Variants in HIPK1 observed in about 807,000 individuals in gnomAD.
HIPK1 encodes homeodomain interacting protein kinase 1.
In HIPK1, 28 loss-of-function variants were observed where a neutral mutation model predicts 117.1. The observed-to-expected ratio is 0.24, with a 90% CI of 0.18 to 0.33. The LOEUF (loss-of-function observed/expected upper bound fraction) is 0.33, where lower values mean the gene tolerates loss of function less well. HIPK1 is among the 10% of genes least tolerant of loss of function. The pLI is 1.00. For synonymous variants in HIPK1, 605 were observed against 562.5 expected (o/e 1.08, Z -1.07); for missense variants, 1,122 against 1,475.1 (o/e 0.76, Z 3.92).
intron 4 of HIPK1, 66 bp downstream of exon 4, chr1:113,954,836 A>G (rs1450466079): frequency 3.6e-6 from 5 of 1,374,068 alleles, no homozygotes; most frequent in African/African-American, 1.5e-5. Flanking sequence ...TTTGAATTCA[A>G]AGTTTAGTTA....
In HIPK1 at chr1:113,967,773, C is replaced by T; in HGVS notation, c.2389C>T (p.His797Tyr). The change falls in exon 12 of 16, where the codon CAC becomes TAC. Residue 797 changes from histidine (H) to tyrosine (Y), a missense_variant. Around this residue, in one of 6 missense-constraint regions of HIPK1, gnomAD observed 731 missense variants for 860.4 expected, o/e 0.85. Transcript: ENST00000426820. ...TTCTTTCTGTTGGTACAGGAATGCC[C>T]ACTCTCATGGCAACCAGTACAGCAC... The part of the protein sequence containing the change: ...GQQLADWRNA[H>Y]SHGNQYSTIM... The T allele has an allele frequency of 2.0e-6, 3 of 1,525,302 alleles. No individual in the cohort carries two copies. The highest frequency in any genetic ancestry group is 2.6e-6 in the Non-Finnish European group (3 of 1,138,522). The allele number at this position is 1,525,302 out of a possible 1,614,324, so 94.5% of individuals were successfully genotyped here.
Position 113,970,043 on chromosome 1 carries a change from T to C in HIPK1, c.2859T>C (p.Tyr953=), listed in dbSNP as rs1300741218. Residue 953 remains tyrosine (Y), a synonymous_variant, in exon 14 of 16, where the codon TAT becomes TAC. Coordinates refer to ENST00000426820, the MANE Select transcript of HIPK1 (RefSeq NM_198268.3). ...PDSDSSLSSP[Y]STDTLSALRG... ...CTGACTCTTCTTTGAGCAGCCCTTA[T>C]TCCACTGATACCCTGAGTGCTCTCC... 2.5e-6 allele frequency: 4 copies of C among 1,614,100 alleles called. No individual in the cohort carries two copies. The East Asian group carries it at 6.7e-5, about 27-fold the overall frequency.
intron 1 of HIPK1, 105 bp from the exon 2 acceptor site, chr1:113,940,275 CAT>C: frequency 9.9e-7 from 1 of 1,007,454 alleles, no homozygotes; most frequent in Non-Finnish European, 1.5e-6. Flanking sequence ...ATTATTACAT[CAT>C]GTTTCTTTTA....
rs912270762 is a variant in HIPK1, at chr1:113,975,794, T to C, written c.*2282T>C. 2.0e-5 allele frequency: 3 copies of C among 152,618 alleles called. No individual in the cohort carries two copies. Among genetic ancestry groups the C allele is most frequent in the African/African-American group, 7.2e-5 (3 of 41,406 alleles). 9.5% of individuals were successfully genotyped at this position (152,618 alleles called of 1,614,324 possible). On this transcript the variant is annotated 3_prime_UTR_variant, in exon 16 of 16. Transcript: ENST00000426820. ...TTGAGGTTTCTTTTTTAACAGCTTG[T>C]ATAGTCTTGGGGCCCTTCAAGCTGT... is the stretch of plus-strand genomic sequence containing the variant.
intron 5 of HIPK1, among the ~76,000 whole-genome samples, chr1:113,956,284 G>A (rs111692161): frequency 0.026 from 3,958 of 151,898 alleles, 108 homozygotes; most frequent in African/African-American, 0.068. Flanking sequence ...TGCCATGTTG[G>A]CCAGGCTGGG....
At position 113,952,649 on chromosome 1, in the gene HIPK1, T is replaced by C. The variant is rs1028096672; in HGVS notation, c.1077-117T>C. 5.3e-6 allele frequency: 4 copies of C among 750,678 alleles called. No homozygotes were observed. The Admixed American group carries it at 1.2e-4, about 23-fold the overall frequency. 46.5% of individuals were successfully genotyped at this position (750,678 alleles called of 1,614,324 possible). A position where few individuals can be genotyped will look rare whatever the true frequency, so the allele number is the denominator to read the frequency against. On this transcript the variant is annotated intron_variant, in intron 2 of 15. Transcript: ENST00000426820. ...TGGATTGTATACCAAAGATTTTTTTTCCATTTCATTGAATAAATGTTCCTT... is the reference window on the plus strand; with the variant it reads ...TGGATTGTATACCAAAGATTTTTTTCCCATTTCATTGAATAAATGTTCCTT...
At chr1:113,945,511 G>A (rs1040563886) in intron 2 of HIPK1, among the ~76,000 whole-genome samples, 1 of 152,074 alleles carries the variant, frequency 6.6e-6, no homozygotes, top group Non-Finnish European at 1.5e-5. Context: ...TTTTGTCTAT[G>A]GTCCAAGGTA....
Position 113,971,925 on chromosome 1 carries a change from A to G in HIPK1, c.3115A>G (p.Ser1039Gly), listed in dbSNP as rs768884065. ...GTATCGAGCTCAACGCGGGGGGACC[A>G]GTGCAGCACAACCACTCAATCTTAG... ...TGYRAQRGGT[S>G]AAQPLNLSQN... The change falls in exon 15 of 16, where the codon AGT (serine) becomes GGT (glycine). Residue 1039 changes from serine to glycine, a missense_variant. Physicochemically the swap from Ser to Gly is moderately conservative, Grantham distance 56. Around this residue, in one of 6 missense-constraint regions of HIPK1, gnomAD observed 731 missense variants for 860.4 expected, o/e 0.85. Coordinates refer to ENST00000426820, the MANE Select transcript of HIPK1 (RefSeq NM_198268.3). 6.2e-7 allele frequency: 1 copy of G among 1,609,192 alleles called. No individual in the cohort carries two copies. The highest frequency in any genetic ancestry group is 1.7e-5 in the Admixed American group (1 of 59,026).
Position 113,976,544 on chromosome 1 carries a change from A to G in HIPK1, c.*3032A>G, listed in dbSNP as rs1279111413. 3 of 152,808 alleles carry G rather than the reference A, an allele frequency of 2.0e-5. No homozygotes were observed. The South Asian group carries it at 6.2e-4, about 32-fold the overall frequency. 9.5% of individuals were successfully genotyped at this position (152,808 alleles called of 1,614,324 possible). A position where few individuals can be genotyped will look rare whatever the true frequency, so the allele number is the denominator to read the frequency against. On this transcript the variant is annotated 3_prime_UTR_variant, in exon 16 of 16. Coordinates refer to ENST00000426820, the MANE Select transcript of HIPK1 (RefSeq NM_198268.3). ...AACTCCACAGAAAAGGATAATACCA[A>G]GAGCTTGTATTGTTACCTTAGTCAC... is the stretch of plus-strand genomic sequence containing the variant.
chr1:113,936,558 G>A (rs1343931568), intron 1 of HIPK1, among the ~76,000 whole-genome samples: 5 of 151,790 alleles, frequency 3.3e-5, no homozygotes, highest in African/African-American at 7.3e-5. Flanking sequence ...TCTGCCTCCC[G>A]GATTCAAGTG....
intron 1 of HIPK1, among the ~76,000 whole-genome samples, chr1:113,932,023 C>G (rs1669928529): frequency 6.6e-6 from 1 of 152,176 alleles, no homozygotes. Flanking sequence ...AGTACCACTT[C>G]AACAATCACT....
intron 15 of HIPK1, among the ~76,000 whole-genome samples, chr1:113,972,558 TGAGA>T (rs562200785): frequency 1.3e-5 from 2 of 152,196 alleles, no homozygotes; most frequent in African/African-American, 2.4e-5. Flanking sequence ...TGAGGGTATG[TGAGA>T]GAGAGCACAT....
At chr1:113,966,495 TAAAG>T (rs1672456780) in intron 11 of HIPK1, among the ~76,000 whole-genome samples, 1 of 152,226 alleles carries the variant, frequency 6.6e-6, no homozygotes, top group Non-Finnish European at 1.5e-5. Flanking sequence ...CTAGATTTTT[TAAAG>T]AGAGTCTTAA....
At chr1:113,945,750 T>C (rs979824303) in intron 2 of HIPK1, among the ~76,000 whole-genome samples, 1 of 152,212 alleles carries the variant, frequency 6.6e-6, no homozygotes, top group African/African-American at 2.4e-5. Context: ...TTGATTATTG[T>C]AGCTTTGTAG....
rs200942847 is a variant in HIPK1, at chr1:113,973,052, C to T, written c.3173C>T (p.Ser1058Leu). The T allele has an allele frequency of 3.0e-5, 45 of 1,521,854 alleles. No homozygotes were observed. In the East Asian group the frequency reaches 9.3e-4, roughly 31 times the overall value. 94.3% of individuals were successfully genotyped at this position (1,521,854 alleles called of 1,614,324 possible). The change falls in exon 16 of 16, where the codon TCA becomes TTA. Residue 1058 changes from serine (S) to leucine (L), a missense_variant. Physicochemically the swap from Ser to Leu is moderately radical, Grantham distance 145 (BLOSUM62 -2). This residue lies in a region of HIPK1 where 731 missense variants were observed against 860.4 expected (regional missense o/e 0.85). Transcript: ENST00000426820. ...CAGCAGTCATCGGCGGCTCCAACCT[C>T]ACAGGAGAGAAGCAGCAACCCAGCC... ...QNQQSSAAPT[S>L]QERSSNPAPR...
intron 2 of HIPK1, among the ~76,000 whole-genome samples, chr1:113,942,764 T>C (rs1391597804): frequency 6.6e-6 from 1 of 152,212 alleles, no homozygotes; most frequent in East Asian, 1.9e-4. Context: ...ACCAAGGCTT[T>C]TAAAATGTGC....
chr1:113,962,960 A>G (rs867060414), intron 9 of HIPK1, among the ~76,000 whole-genome samples: 1 of 152,194 alleles, frequency 6.6e-6, no homozygotes, highest in Admixed American at 6.5e-5. Flanking sequence ...TATACTTGCT[A>G]TGGAACATTC....
chr1:113,974,782 A>G lies in HIPK1; in HGVS notation c.*1270A>G, dbSNP rs1673051760. 6.6e-6 allele frequency: 1 copy of G among 152,670 alleles called. No individual in the cohort carries two copies. The highest frequency in any genetic ancestry group is 1.5e-5 in the Non-Finnish European group (1 of 68,054). 9.5% of individuals were successfully genotyped at this position (152,670 alleles called of 1,614,324 possible). A position where few individuals can be genotyped will look rare whatever the true frequency, so the allele number is the denominator to read the frequency against. The stretch of plus-strand genomic sequence containing the variant: ...ATTTTACATAATTAAATATGTACAT[A>G]TTGATTAGAAAAATATAACAAGCAA... On this transcript the variant is annotated 3_prime_UTR_variant, in exon 16 of 16. Coordinates refer to ENST00000426820, the MANE Select transcript of HIPK1 (RefSeq NM_198268.3).
intron 2 of HIPK1, among the ~76,000 whole-genome samples, chr1:113,946,777 A>G (rs1042139780): frequency 3.3e-5 from 5 of 152,214 alleles, no homozygotes; most frequent in African/African-American, 7.2e-5. Flanking sequence ...TTACTGAGTA[A>G]TTACTCTGTA....
Sources: allele counts gnomAD v4.1 joint callset (sites outside exome capture counted in the v4.1 genomes callset), GRCh38; gene constraint gnomAD v4.1.1; regional missense constraint gnomAD v4.1.1; transcripts MANE v1.5; gene names NCBI Gene and HGNC (gene_info 2026-07-23, HGNC 2026-07-21).